SAMHD1: variants seen among roughly 807,000 people sequenced by gnomAD.
SAMHD1 encodes the protein deoxynucleoside triphosphate triphosphohydrolase SAMHD1.
SAMHD1 carries 54 observed loss-of-function variants against 79.6 expected under a neutral mutation model. That is an observed-to-expected ratio of 0.68 (90% confidence interval 0.55 to 0.85). SAMHD1 has a LOEUF of 0.85. Ranked by LOEUF, SAMHD1 falls within the 40% of genes least tolerant of loss-of-function variation. The probability of loss-of-function intolerance (pLI) is 0.00; values close to 1 mark genes in which losing one functional copy is unlikely to be tolerated. For missense variants in SAMHD1, 663 were observed against 782.7 expected (o/e 0.85, Z 1.82); for synonymous variants, 260 against 264.1 (o/e 0.98, Z 0.15).
intron 13 of SAMHD1, among the ~76,000 whole-genome samples, chr20:36,902,960 A>G (rs1990334213): frequency 6.6e-6 from 1 of 151,584 alleles, no homozygotes; most frequent in African/African-American, 2.4e-5. Context: ...GATGGTCTCA[A>G]CCTCCTGACT....
Position 36,897,888 on chromosome 20 carries a change from C to G in SAMHD1, c.1680G>C (p.Lys560Asn). 1 of 1,614,250 alleles carries G rather than the reference C, an allele frequency of 6.2e-7. No individual in the cohort carries two copies. The highest frequency in any genetic ancestry group is 8.5e-7 in the Non-Finnish European group (1 of 1,180,048). ...IRVYCKKVDR[K>N]SLYAARQYFV... ...AATATTGTCTTGCGGCATACAAACT[C>G]TTTCTGTCCACCTTCTTACAATATA... is the stretch of plus-strand genomic sequence containing the variant. Residue 560 changes from lysine to asparagine, a missense_variant, in exon 15 of 16, where the codon AAG becomes AAC. Lys to Asn is a moderately conservative substitution (Grantham distance 94). Transcript: ENST00000646673.
intron 4 of SAMHD1, among the ~76,000 whole-genome samples, chr20:36,932,406 G>T (rs1299003022): frequency 6.8e-6 from 1 of 146,042 alleles, no homozygotes; most frequent in African/African-American, 2.5e-5. Context: ...GTTGCGGGGG[G>T]TTGCGGGGGG....
At chr20:36,930,950 G>C (rs970261970) in intron 4 of SAMHD1, 75 bp from the exon 5 acceptor site, 2 of 930,232 alleles carry the variant, frequency 2.2e-6, no homozygotes, top group African/African-American at 3.2e-5. Flanking sequence ...AAGAACTTCA[G>C]TATGTTTCCT....
chr20:36,948,582 T>C (rs1346336479), intron 1 of SAMHD1, among the ~76,000 whole-genome samples: 2 of 150,540 alleles, frequency 1.3e-5, no homozygotes, highest in African/African-American at 4.9e-5. Flanking sequence ...AGAAAGACTA[T>C]TGCTGGTCGG....
chr20:36,913,927 T>C (rs1194520003), intron 9 of SAMHD1, among the ~76,000 whole-genome samples: 6 of 151,958 alleles, frequency 3.9e-5, no homozygotes. Flanking sequence ...CTAATTTTTG[T>C]ATTTTCAGTA....
intron 5 of SAMHD1, among the ~76,000 whole-genome samples, chr20:36,929,415 A>G (rs1023559447): frequency 2.0e-5 from 3 of 152,148 alleles, no homozygotes; most frequent in African/African-American, 7.2e-5. Context: ...CTATAAGGAT[A>G]GAGGTAAAAA....
At chr20:36,911,152 T>C (rs2063436990) in intron 11 of SAMHD1, 66 bp downstream of exon 11, 1 of 871,924 alleles carries the variant, frequency 1.1e-6, no homozygotes, top group Non-Finnish European at 1.9e-6. Context: ...AATAACTCAT[T>C]GGCAATTCAG....
At chr20:36,918,668 G>A (rs1015156731) in intron 7 of SAMHD1, among the ~76,000 whole-genome samples, 1 of 151,612 alleles carries the variant, frequency 6.6e-6, no homozygotes, top group South Asian at 2.1e-4. Context: ...CGGGCGTGGT[G>A]GCACACACCT....
intron 9 of SAMHD1, among the ~76,000 whole-genome samples, chr20:36,915,635 G>A (rs1265352967): frequency 6.6e-6 from 1 of 151,840 alleles, no homozygotes; most frequent in Non-Finnish European, 1.5e-5. Flanking sequence ...TAGTCACAAG[G>A]CTGAGGCAGA....
intron 11 of SAMHD1, among the ~76,000 whole-genome samples, chr20:36,910,908 C>A (rs968872324): frequency 6.6e-6 from 1 of 151,896 alleles, no homozygotes; most frequent in Admixed American, 6.6e-5. Flanking sequence ...TTTATTGGTA[C>A]AAGACAGAAA....
In SAMHD1 at chr20:36,892,948, T is replaced by C. The variant is rs1168555778; in HGVS notation, c.1865A>G (p.Lys622Arg). The part of the protein sequence containing the change: ...EASKSRVQLF[K>R]DDPM Reference sequence around the variant, plus strand: ...TACAGACATTCACATTGGGTCATCTTTAAAAAGCTGGACTCTGCTTTTGGA... The same window carrying C: ...TACAGACATTCACATTGGGTCATCTCTAAAAAGCTGGACTCTGCTTTTGGA... The change falls in exon 16 of 16, where the codon AAA becomes AGA. Residue 622 changes from lysine to arginine, a missense_variant. Coordinates refer to ENST00000646673, the MANE Select transcript of SAMHD1 (RefSeq NM_015474.4). The C allele has an allele frequency of 6.2e-7, 1 of 1,613,968 alleles. No homozygotes were observed. Among genetic ancestry groups the C allele is most frequent in the Non-Finnish European group, 8.5e-7 (1 of 1,180,032 alleles).
At chr20:36,937,889 A>T (rs1239560024) in intron 3 of SAMHD1, among the ~76,000 whole-genome samples, 1 of 140,420 alleles carries the variant, frequency 7.1e-6, no homozygotes, top group African/African-American at 2.7e-5. Context: ...ACAGGGTCTC[A>T]CTCTGTTGCC....
intron 2 of SAMHD1, among the ~76,000 whole-genome samples, chr20:36,943,284 T>C (rs111661934): frequency 1.5e-4 from 23 of 152,212 alleles, no homozygotes; most frequent in African/African-American, 5.5e-4. Flanking sequence ...CTTTCTGCGA[T>C]GATGGAAATG....
chr20:36,927,404 G>T, intron 5 of SAMHD1, 152 bp from the exon 6 acceptor site: 1 of 661,384 alleles, frequency 1.5e-6, no homozygotes, highest in Non-Finnish European at 2.6e-6. Flanking sequence ...CACAATCTCC[G>T]CCCCCTGGGT....
intron 5 of SAMHD1, 26 bp downstream of exon 5, chr20:36,930,734 C>T: frequency 2.0e-6 from 3 of 1,483,084 alleles, no homozygotes; most frequent in Non-Finnish European, 2.8e-6. Context: ...TTTTACATAA[C>T]AACTTTGTCT....
chr20:36,913,756 CTTT>C lies in SAMHD1; in HGVS notation c.1063-1207_1063-1205del, dbSNP rs35178473. Reference sequence around the variant, plus strand: ...CTATTCTTATGTTCTTCATTCTTGACTTTTTTTTTTTTTTTTAGACAGTCTCGC... The same window carrying C: ...CTATTCTTATGTTCTTCATTCTTGACTTTTTTTTTTTTTAGACAGTCTCGC... On this transcript the variant is annotated intron_variant, in intron 9 of 15. Coordinates refer to ENST00000646673, the MANE Select transcript of SAMHD1 (RefSeq NM_015474.4). Among the ~76,000 whole-genome samples, 231 of 135,316 alleles carry C rather than the reference CTTT, an allele frequency of 1.7e-3. 2 individuals are homozygous for C. The highest frequency in any genetic ancestry group is 6.2e-3 in the African/African-American group (225 of 36,496). The allele number at this position is 135,316 out of a possible 152,430, so 88.8% of individuals were successfully genotyped here.
intron 11 of SAMHD1, among the ~76,000 whole-genome samples, chr20:36,906,413 G>A (rs2063405617): frequency 6.6e-6 from 1 of 152,222 alleles, no homozygotes; most frequent in African/African-American, 2.4e-5. Flanking sequence ...ACTCCCACCT[G>A]GGTGACAGAG....
chr20:36,937,036 G>A (rs1269844793), intron 3 of SAMHD1, among the ~76,000 whole-genome samples: 1 of 151,766 alleles, frequency 6.6e-6, no homozygotes, highest in Admixed American at 6.6e-5. Flanking sequence ...AGCTACTCAG[G>A]AGGCTGAGGC....
chr20:36,925,486 C>T (rs534734737), intron 6 of SAMHD1, among the ~76,000 whole-genome samples: 1 of 152,338 alleles, frequency 6.6e-6, no homozygotes, highest in East Asian at 1.9e-4. Context: ...ACCCATTTTA[C>T]TGGCTTGCAG....
Sources: gnomAD v4.1 joint callset for allele counts (sites outside exome capture counted in the v4.1 genomes callset) on GRCh38, gnomAD v4.1.1 for gene constraint, MANE v1.5 for transcripts, NCBI Gene and HGNC (gene_info 2026-07-23, HGNC 2026-07-21) for gene names.